The following RAP1GAP2 variants were observed in gnomAD, a reference collection of about 807,000 sequenced individuals.
RAP1GAP2 encodes RAP1 GTPase activating protein 2.
In RAP1GAP2, 27 loss-of-function variants were observed where a neutral mutation model predicts 95.0. The ratio of observed to expected loss-of-function variants is 0.28; its 90% CI spans 0.21 to 0.39. The LOEUF is 0.39. Ranked by LOEUF, RAP1GAP2 falls within the 10% of genes least tolerant of loss-of-function variation. The pLI, the probability that RAP1GAP2 is intolerant of heterozygous loss-of-function variation, is 1.00. For missense variants in RAP1GAP2, 771 were observed against 970.0 expected (o/e 0.79, Z 2.72); for synonymous variants, 373 against 380.9 (o/e 0.98, Z 0.24).
At chr17:2,868,223 C>T (rs1444664232) in intron 2 of RAP1GAP2, among the ~76,000 whole-genome samples, 3 of 152,130 alleles carry the variant, frequency 2.0e-5, no homozygotes, top group Admixed American at 2.0e-4. Flanking sequence ...GGTTACGAGG[C>T]CCTGGCTGAG....
rs762764770 is a variant in RAP1GAP2, at chr17:2,825,469, T to A, written c.80+24919T>A. On this transcript the variant is annotated intron_variant, in intron 2 of 24. Coordinates refer to ENST00000254695, the MANE Select transcript of RAP1GAP2 (RefSeq NM_015085.5). This position sits in a 1 kb window ranked among gnomAD's most constrained non-coding sequence, Gnocchi z 4.1. ...GGAGAAATGAAGCTGTTTGTTTATC[T>A]GATGAATATTCATCGAGCTCCTATT... is the stretch of plus-strand genomic sequence containing the variant. Among the ~76,000 whole-genome samples the A allele has an allele frequency of 3.8e-4, 58 of 152,142 alleles. No homozygotes were observed. Among genetic ancestry groups the A allele is most frequent in the Non-Finnish European group, 7.2e-4 (49 of 68,036 alleles).
At position 2,896,030 on chromosome 17, in the gene RAP1GAP2, G is replaced by A. The variant is rs181030181; in HGVS notation, c.81-9254G>A. Among the ~76,000 whole-genome samples the A allele has an allele frequency of 2.6e-5, 4 of 152,164 alleles. No individual in the cohort carries two copies. The East Asian group carries it at 7.7e-4, about 29-fold the overall frequency. On this transcript the variant is annotated intron_variant, in intron 2 of 24. Coordinates refer to ENST00000254695, the MANE Select transcript of RAP1GAP2 (RefSeq NM_015085.5). The stretch of plus-strand genomic sequence containing the variant: ...TTCCCCGCTTCTCCCGTAGGTCACT[G>A]CTGGCCTCTTCTCTAGGCCTAGATC...
chr17:3,013,534 A>C (rs1304409451), intron 17 of RAP1GAP2, among the ~76,000 whole-genome samples: 4 of 150,598 alleles, frequency 2.7e-5, no homozygotes, highest in African/African-American at 4.9e-5. Context: ...CCGCCTCCTC[A>C]CACTTACCTT....
chr17:2,792,261 C>T (rs2068945292), upstream of RAP1GAP2, among the ~76,000 whole-genome samples: 1 of 152,202 alleles, frequency 6.6e-6, no homozygotes, highest in Non-Finnish European at 1.5e-5. Context: ...AGCAGGGGGT[C>T]AAGAAGCTGC....
chr17:2,967,718 G>A (rs1473990031), intron 8 of RAP1GAP2, among the ~76,000 whole-genome samples: 1 of 152,156 alleles, frequency 6.6e-6, no homozygotes, highest in Non-Finnish European at 1.5e-5. Context: ...TAAGAAATTG[G>A]CTCCACGGTT....
At chr17:2,898,611 C>G (rs914378340) in intron 2 of RAP1GAP2, among the ~76,000 whole-genome samples, 1 of 152,224 alleles carries the variant, frequency 6.6e-6, no homozygotes, top group African/African-American at 2.4e-5. Context: ...TGTCTCCCAG[C>G]TTAGCATCCA....
At chr17:2,771,615 G>A (rs1038838444) in intron 2 of RAP1GAP2, among the ~76,000 whole-genome samples, 2 of 147,068 alleles carry the variant, frequency 1.4e-5, no homozygotes, top group Admixed American at 6.9e-5. Flanking sequence ...TCAGCCTCCC[G>A]CGTAGCTGGG....
intron 10 of RAP1GAP2, among the ~76,000 whole-genome samples, chr17:2,983,860 C>G (rs942470583): frequency 9.2e-5 from 14 of 152,216 alleles, no homozygotes; most frequent in Non-Finnish European, 1.9e-4. Flanking sequence ...TTTCTTCCCC[C>G]AGTAAGCTGG....
At chr17:2,786,628 T>C (rs186074360) in intron 1 of RAP1GAP2, among the ~76,000 whole-genome samples, 63 of 147,918 alleles carry the variant, frequency 4.3e-4, no homozygotes, top group African/African-American at 1.5e-3. Flanking sequence ...TTCTTTTCTT[T>C]TTTTTTCTTC....
chr17:2,921,172 A>G (rs2042754797), intron 3 of RAP1GAP2, among the ~76,000 whole-genome samples: 1 of 151,988 alleles, frequency 6.6e-6, no homozygotes, highest in African/African-American at 2.4e-5. Flanking sequence ...TGATGGGTTG[A>G]AATAAAAGGA....
Position 2,979,487 on chromosome 17 carries a change from GAC to G in RAP1GAP2, c.597-798_597-797del, listed in dbSNP as rs1226696027. On this transcript the variant is annotated intron_variant, in intron 8 of 24. Transcript: ENST00000254695. ...TTTTTTTTTTTTTTTTTTTTTTTGA[GAC>G]AGAGTCTTGCTCTGTCACCCAGGCT... is the stretch of plus-strand genomic sequence containing the variant. 2.2e-3 allele frequency among the ~76,000 whole-genome samples: 219 copies of G among 98,840 alleles called. 1 individual carries two copies. In the Middle Eastern group the frequency reaches 0.03, roughly 14 times the overall value. The allele number at this position is 98,840 out of a possible 152,430, so 64.8% of individuals were successfully genotyped here. A position where few individuals can be genotyped will look rare whatever the true frequency, so the allele number is the denominator to read the frequency against.
rs541410969 is a variant in RAP1GAP2 at position 3,031,087 on chromosome 17, C to G, written c.2184+89C>G. ...GGCCAGAGGAAGAGGGTTCAGACAT[C>G]CCAGAGGGGGCTCCCCGAAGGAGGC... On this transcript the variant is annotated intron_variant, in intron 23 of 24. Coordinates refer to ENST00000254695, the MANE Select transcript of RAP1GAP2 (RefSeq NM_015085.5). 1.7e-5 allele frequency: 23 copies of G among 1,353,496 alleles called. No individual in the cohort carries two copies. In the South Asian group the frequency reaches 2.6e-4, roughly 15 times the overall value. The allele number at this position is 1,353,496 out of a possible 1,614,324, so 83.8% of individuals were successfully genotyped here.
chr17:2,997,876 T>C (rs1224048789), intron 13 of RAP1GAP2, among the ~76,000 whole-genome samples: 1 of 144,436 alleles, frequency 6.9e-6, no homozygotes, highest in African/African-American at 2.6e-5. Flanking sequence ...TGAGCCGAGA[T>C]CGTGCCACGG....
chr17:2,828,356 A>AACAT (rs1311089016), intron 2 of RAP1GAP2, among the ~76,000 whole-genome samples: 1 of 151,238 alleles, frequency 6.6e-6, no homozygotes, highest in Non-Finnish European at 1.5e-5. Flanking sequence ...ACAACAAACA[A>AACAT]ACAAAAATAA....
At position 3,026,938 on chromosome 17, in the gene RAP1GAP2, C is replaced by T; in HGVS notation, c.1981-6C>T. 1.9e-6 allele frequency: 3 copies of T among 1,550,790 alleles called. No homozygotes were observed. Among genetic ancestry groups the T allele is most frequent in the Non-Finnish European group, 2.6e-6 (3 of 1,146,646 alleles). ...CTGGCCTCGCTCACCCTGCCTCTCT[C>T]CTCAGGGCAGCCAGCCGTCCACGAC... On this transcript the variant is annotated splice_region_variant and splice_polypyrimidine_tract_variant and intron_variant, in intron 21 of 24. Transcript: ENST00000254695.
At chr17:2,921,567 T>TA (rs1310183917) in intron 3 of RAP1GAP2, among the ~76,000 whole-genome samples, 1 of 151,994 alleles carries the variant, frequency 6.6e-6, no homozygotes, top group Admixed American at 6.6e-5. Context: ...GCAGGGCCGT[T>TA]AAAGTGTCCG....
intron 2 of RAP1GAP2, among the ~76,000 whole-genome samples, chr17:2,880,487 TCA>T (rs937575490): frequency 1.3e-5 from 2 of 150,262 alleles, no homozygotes; most frequent in Non-Finnish European, 1.5e-5. Flanking sequence ...AAAATACACA[TCA>T]CACACAGTGT....
At chr17:2,978,336 G>T (rs72824806) in intron 8 of RAP1GAP2, among the ~76,000 whole-genome samples, 13,859 of 152,044 alleles carry the variant, frequency 0.091, 744 homozygotes, top group South Asian at 0.23. Context: ...TAAGGATGAG[G>T]GTGGCTTGAA....
intron 2 of RAP1GAP2, among the ~76,000 whole-genome samples, chr17:2,869,772 AT>A (rs1466033355): frequency 6.6e-6 from 1 of 152,194 alleles, no homozygotes; most frequent in African/African-American, 2.4e-5. Context: ...CTCCCTTCTC[AT>A]CCTGACATTT....
Sources: gnomAD v4.1 joint callset for allele counts (sites outside exome capture counted in the v4.1 genomes callset) on GRCh38, gnomAD v4.1.1 for gene constraint, Gnocchi (gnomAD v3.1) non-coding constraint, MANE v1.5 for transcripts, NCBI Gene and HGNC (gene_info 2026-07-23, HGNC 2026-07-21) for gene names.